The following JPH3 variants were observed in gnomAD, a reference collection of about 807,000 sequenced individuals.
JPH3 encodes junctophilin 3, also known as junctophilin-3.
In JPH3, 11 loss-of-function variants were observed where a neutral mutation model predicts 59.6. The ratio of observed to expected loss-of-function variants is 0.18; its 90% CI spans 0.12 to 0.31. JPH3 has a LOEUF of 0.31. Among genes scored for constraint, JPH3 ranks in the 10% least tolerant of loss-of-function variants. The pLI, the probability that JPH3 is intolerant of heterozygous loss-of-function variation, is 1.00. For synonymous variants in JPH3, 673 were observed against 483.6 expected, an observed-to-expected ratio of 1.39 and a Z score of -5.14; for missense variants, 1,202 against 1,105.7, an observed-to-expected ratio of 1.09 and a Z score of -1.24.
At chr16:87,628,746 A>T (rs2544632) in intron 1 of JPH3, among the ~76,000 whole-genome samples, 17 of 152,198 alleles carry the variant, frequency 1.1e-4, no homozygotes, top group African/African-American at 2.2e-4. Flanking sequence ...GTGGCCTTGG[A>T]GGCGTCAGCC....
intron 1 of JPH3, among the ~76,000 whole-genome samples, chr16:87,635,335 T>A (rs111855633): frequency 0.018 from 2,723 of 152,108 alleles, 86 homozygotes; most frequent in African/African-American, 0.063. Context: ...AACTAAAGTT[T>A]TGGGAAGAGT....
At position 87,603,460 on chromosome 16, in the gene JPH3, C is replaced by A; in HGVS notation, c.314C>A (p.Ala105Asp). ...GTGCGGGAGTGCGCGGGCAACGGGGCCAAATACGAAGGGACCTGGAGCAAC... is the reference window on the plus strand; with the variant it reads ...GTGCGGGAGTGCGCGGGCAACGGGGACAAATACGAAGGGACCTGGAGCAAC... ...YGVRECAGNG[A>D]KYEGTWSNGL... Residue 105 changes from alanine (A) to aspartate (D), a missense_variant, in exon 1 of 5, where the codon GCC becomes GAC. Transcript: ENST00000284262. 3 of 1,561,904 alleles carry A rather than the reference C, an allele frequency of 1.9e-6. No homozygotes were observed. Among genetic ancestry groups the A allele is most frequent in the South Asian group, 2.3e-5 (2 of 85,122 alleles).
At chr16:87,656,721 A>G (rs1185597814) in intron 2 of JPH3, among the ~76,000 whole-genome samples, 3 of 152,174 alleles carry the variant, frequency 2.0e-5, no homozygotes, top group African/African-American at 7.2e-5. Flanking sequence ...TGCCATGGGC[A>G]TGTGCTCGTC....
At chr16:87,609,566 G>A (rs1444702290) in intron 1 of JPH3, among the ~76,000 whole-genome samples, 2 of 152,222 alleles carry the variant, frequency 1.3e-5, no homozygotes, top group African/African-American at 4.8e-5. Flanking sequence ...GCCCGGCCTA[G>A]GGTGAGACTT....
At chr16:87,656,373 C>T (rs1214779677) in intron 2 of JPH3, among the ~76,000 whole-genome samples, 1 of 152,172 alleles carries the variant, frequency 6.6e-6, no homozygotes, top group Non-Finnish European at 1.5e-5. Flanking sequence ...CTCTAAACAC[C>T]AGAGTGGCCA....
At chr16:87,683,667 C>G (rs890327779) in intron 2 of JPH3, among the ~76,000 whole-genome samples, 23 of 150,906 alleles carry the variant, frequency 1.5e-4, no homozygotes, top group Non-Finnish European at 7.4e-5. Context: ...AGTGCAGTGA[C>G]GCGATCTCAG....
At chr16:87,678,936 T>C (rs142711069) in intron 2 of JPH3, among the ~76,000 whole-genome samples, 106 of 152,284 alleles carry the variant, frequency 7.0e-4, no homozygotes, top group African/African-American at 2.3e-3. Flanking sequence ...GGGTGTGACT[T>C]CTTGATTTTG....
At chr16:87,635,178 C>T (rs2031695908) in intron 1 of JPH3, among the ~76,000 whole-genome samples, 4 of 152,186 alleles carry the variant, frequency 2.6e-5, no homozygotes, top group Admixed American at 2.6e-4. Flanking sequence ...CTCCTTGCTC[C>T]TCCCAGCAAA....
intron 2 of JPH3, among the ~76,000 whole-genome samples, chr16:87,683,242 T>C (rs2033338436): frequency 6.6e-6 from 1 of 152,032 alleles, no homozygotes; most frequent in South Asian, 2.1e-4. Context: ...CCGGGGTGGG[T>C]TGTCTGGGCT....
chr16:87,657,330 T>C (rs897512239), intron 2 of JPH3, among the ~76,000 whole-genome samples: 8 of 152,138 alleles, frequency 5.3e-5, no homozygotes, highest in Non-Finnish European at 8.8e-5. Context: ...AAATGTGGCA[T>C]GTGAAATCTC....
intron 1 of JPH3, among the ~76,000 whole-genome samples, chr16:87,641,263 C>G (rs1036933822): frequency 6.6e-6 from 1 of 152,174 alleles, no homozygotes; most frequent in Admixed American, 6.5e-5. Context: ...GAGAAGGTGC[C>G]ACAGCCTAGT....
At chr16:87,619,087 C>A (rs2031075606) in intron 1 of JPH3, among the ~76,000 whole-genome samples, 2 of 140,516 alleles carry the variant, frequency 1.4e-5, no homozygotes. Flanking sequence ...GACTCTGTCT[C>A]AAAAAAAAAA....
rs556334785 is a variant in JPH3, at chr16:87,689,474, G to A, written c.1286-172G>A. Among the ~76,000 whole-genome samples the A allele has an allele frequency of 2.0e-5, 3 of 151,946 alleles. No individual in the cohort carries two copies. The East Asian group carries it at 5.8e-4, about 30-fold the overall frequency. The stretch of plus-strand genomic sequence containing the variant: ...GTGGGGACCACGGGGGTCCCACAGA[G>A]GGCTTTGGGAGCCACGGTCCCCACT... On this transcript the variant is annotated intron_variant, in intron 3 of 4. Transcript: ENST00000284262.
chr16:87,624,633 C>T (rs376682550), intron 1 of JPH3, among the ~76,000 whole-genome samples: 1 of 152,240 alleles, frequency 6.6e-6, no homozygotes, highest in African/African-American at 2.4e-5. Flanking sequence ...CACTTTTGGG[C>T]TGTTTCCACC....
At chr16:87,607,090 T>C (rs1025921120) in intron 1 of JPH3, among the ~76,000 whole-genome samples, 2 of 152,152 alleles carry the variant, frequency 1.3e-5, no homozygotes, top group African/African-American at 4.8e-5. Context: ...TTCTTTCCTC[T>C]CGTTTATATC....
intron 1 of JPH3, among the ~76,000 whole-genome samples, chr16:87,620,820 G>C (rs2031158673): frequency 6.6e-6 from 1 of 152,244 alleles, no homozygotes; most frequent in African/African-American, 2.4e-5. Flanking sequence ...GCCTCAGTCT[G>C]GCCCTGTGAA....
At chr16:87,685,299 C>A (rs968858469) in intron 3 of JPH3, among the ~76,000 whole-genome samples, 1 of 152,260 alleles carries the variant, frequency 6.6e-6, no homozygotes, top group African/African-American at 2.4e-5. Flanking sequence ...CCCCCGCACC[C>A]CCACCGCCTT....
At chr16:87,671,786 G>A (rs1031745750) in intron 2 of JPH3, among the ~76,000 whole-genome samples, 4 of 152,190 alleles carry the variant, frequency 2.6e-5, no homozygotes, top group African/African-American at 9.7e-5. Context: ...GACTGGGCTG[G>A]TCCTGAGCCC....
intron 1 of JPH3, among the ~76,000 whole-genome samples, chr16:87,634,401 G>T (rs7205669): frequency 0.17 from 25,826 of 152,212 alleles, 2,429 homozygotes; most frequent in Non-Finnish European, 0.22. Flanking sequence ...TCAGAGCCGG[G>T]AATGGGGAGG....
Sources: allele counts gnomAD v4.1 joint callset (sites outside exome capture counted in the v4.1 genomes callset), GRCh38; gene constraint gnomAD v4.1.1; transcripts MANE v1.5; gene names NCBI Gene and HGNC (gene_info 2026-07-23, HGNC 2026-07-21).